Variants in CYP2C19 observed in about 807,000 individuals in gnomAD.
CYP2C19 encodes cytochrome P450 family 2 subfamily C member 19, also known as cytochrome P450 2C19.
Under a neutral mutation model 40.9 loss-of-function variants are expected in CYP2C19, and 59 were observed. That is an observed-to-expected ratio of 1.44 (90% CI 1.17 to 1.79). The LOEUF (loss-of-function observed/expected upper bound fraction) is 1.79. Among genes scored for constraint, CYP2C19 ranks in the 40% most tolerant of loss-of-function variants. The probability of loss-of-function intolerance (pLI) is 0.00; values close to 1 mark genes in which losing one functional copy is unlikely to be tolerated. For synonymous variants in CYP2C19, 253 were observed against 208.7 expected (o/e 1.21, Z -1.83); for missense variants, 754 against 596.9 (o/e 1.26, Z -2.74).
intron 5 of CYP2C19, among the ~76,000 whole-genome samples, chr10:94,800,398 C>T (rs2134252567): frequency 6.6e-6 from 1 of 152,334 alleles, no homozygotes; most frequent in East Asian, 1.9e-4. Context: ...CTGGAAGCTT[C>T]ATCCCAGAGG....
intron 6 of CYP2C19, among the ~76,000 whole-genome samples, chr10:94,837,344 T>C (rs1416423155): frequency 2.0e-5 from 3 of 151,966 alleles, no homozygotes; most frequent in Non-Finnish European, 4.4e-5. Context: ...GGAAAGGAGG[T>C]GGAGTCCTTT....
chr10:94,835,548 G>A (rs190772661), intron 6 of CYP2C19, among the ~76,000 whole-genome samples: 2 of 152,080 alleles, frequency 1.3e-5, no homozygotes, highest in East Asian at 3.9e-4. Context: ...AGCTCTTTTG[G>A]CCTCAATATC....
chr10:94,771,042 G>A (rs1371336863), intron 1 of CYP2C19, among the ~76,000 whole-genome samples: 1 of 152,150 alleles, frequency 6.6e-6, no homozygotes, highest in Non-Finnish European at 1.5e-5. Context: ...CTCTCCAAGT[G>A]AGATCGAAGG....
intron 5 of CYP2C19, among the ~76,000 whole-genome samples, chr10:94,802,358 T>G (rs1489116880): frequency 6.6e-6 from 1 of 152,154 alleles, no homozygotes; most frequent in East Asian, 1.9e-4. Flanking sequence ...TTGTCTCTTT[T>G]GATATTTGTT....
chr10:94,800,273 G>A (rs1848745524), intron 5 of CYP2C19, among the ~76,000 whole-genome samples: 2 of 152,206 alleles, frequency 1.3e-5, no homozygotes, highest in Admixed American at 6.5e-5. Context: ...TCAGCTGCAG[G>A]TCTGTTGGAG....
intron 6 of CYP2C19, among the ~76,000 whole-genome samples, chr10:94,829,396 C>T (rs1360625063): frequency 3.9e-5 from 6 of 151,910 alleles, no homozygotes; most frequent in Non-Finnish European, 8.8e-5. Context: ...CTTCCCTTCT[C>T]GCTACATTTC....
Position 94,780,494 on chromosome 10 carries a change from T to G in CYP2C19, c.482-5T>G, listed in dbSNP as rs17882507. The G allele has an allele frequency of 5.6e-6, 9 of 1,612,964 alleles. No individual in the cohort carries two copies. In the African/African-American group the frequency reaches 1.2e-4, roughly 22 times the overall value. On this transcript the variant is annotated splice_polypyrimidine_tract_variant and splice_region_variant and intron_variant, in intron 3 of 8. Coordinates refer to ENST00000371321, the MANE Select transcript of CYP2C19 (RefSeq NM_000769.4). ...CATATTTTAAAATTGTTTCCAATCATTTAGCTTCACCCTGTGATCCCACTT... is the reference window on the plus strand; with the variant it reads ...CATATTTTAAAATTGTTTCCAATCAGTTAGCTTCACCCTGTGATCCCACTT...
chr10:94,782,246 G>A (rs1166064487), intron 5 of CYP2C19, among the ~76,000 whole-genome samples: 5 of 152,094 alleles, frequency 3.3e-5, no homozygotes. Flanking sequence ...AAGGATGTCA[G>A]GATAGGAAAA....
intron 7 of CYP2C19, among the ~76,000 whole-genome samples, chr10:94,844,339 G>T (rs964972101): frequency 2.0e-5 from 3 of 152,140 alleles, no homozygotes; most frequent in Non-Finnish European, 4.4e-5. Flanking sequence ...AACACATGTT[G>T]TCATGATTCA....
At chr10:94,764,063 T>C (rs1253210188) in intron 1 of CYP2C19, among the ~76,000 whole-genome samples, 1 of 151,718 alleles carries the variant, frequency 6.6e-6, no homozygotes, top group Non-Finnish European at 1.5e-5. Flanking sequence ...GCTTCAGGAG[T>C]GAAGTTGCAG....
intron 7 of CYP2C19, among the ~76,000 whole-genome samples, chr10:94,848,719 T>C (rs1001487606): frequency 6.6e-6 from 1 of 152,224 alleles, no homozygotes; most frequent in African/African-American, 2.4e-5. Flanking sequence ...GCATGGAATG[T>C]TCTTCCATTT....
intron 3 of CYP2C19, among the ~76,000 whole-genome samples, chr10:94,779,163 A>G (rs1370186889): frequency 1.3e-5 from 2 of 152,100 alleles, no homozygotes; most frequent in African/African-American, 4.8e-5. Flanking sequence ...TACCTAATGC[A>G]TGTGGAGCTT....
chr10:94,840,855 T>C (rs544719862), intron 6 of CYP2C19, among the ~76,000 whole-genome samples: 5 of 152,222 alleles, frequency 3.3e-5, no homozygotes, highest in Non-Finnish European at 7.3e-5. Flanking sequence ...ACCTTACACC[T>C]GAGTCTTCAG....
At position 94,820,576 on chromosome 10, in the gene CYP2C19, GACA is replaced by G. The variant is rs1849100876; in HGVS notation, c.905_907del (p.Thr302del). On this transcript the variant is annotated inframe_deletion, in exon 6 of 9. Coordinates refer to ENST00000371321, the MANE Select transcript of CYP2C19 (RefSeq NM_000769.4). The stretch of plus-strand genomic sequence containing the variant: ...CTGACTTACTTGGAGCTGGGACAGA[GACA>G]ACAAGCACAACCCTGAGATATGCTC... The G allele has an allele frequency of 6.2e-7, 1 of 1,614,202 alleles. No homozygotes were observed. Among genetic ancestry groups the G allele is most frequent in the African/African-American group, 1.3e-5 (1 of 75,060 alleles).
rs1589360238 is a variant in CYP2C19, at chr10:94,803,771, C to T, written c.820-16725C>T. ...CCAGGTGAGTGGATGCTTTGAATGC[C>T]TCATGATCTGTCTGAGTGTGAAGGA... On this transcript the variant is annotated intron_variant, in intron 5 of 8. Coordinates refer to ENST00000371321, the MANE Select transcript of CYP2C19 (RefSeq NM_000769.4). Among the ~76,000 whole-genome samples, 3 of 152,284 alleles carry T rather than the reference C, an allele frequency of 2.0e-5. No individual in the cohort carries two copies. In the South Asian group the frequency reaches 6.2e-4, roughly 32 times the overall value.
At chr10:94,789,888 A>G (rs77291444) in intron 5 of CYP2C19, among the ~76,000 whole-genome samples, 1 of 152,092 alleles carries the variant, frequency 6.6e-6, no homozygotes, top group Admixed American at 6.6e-5. Flanking sequence ...AAGAAACTCA[A>G]TGGTAGCTTG....
Position 94,789,731 on chromosome 10 carries a change from G to T in CYP2C19, c.819+7734G>T, listed in dbSNP as rs531380566. ...TCCATTTTGGTAACAGTACCATGCT[G>T]TTTTTATTACTTCGGCCTTGTAATA... is the stretch of plus-strand genomic sequence containing the variant. On this transcript the variant is annotated intron_variant, in intron 5 of 8. Coordinates refer to ENST00000371321, the MANE Select transcript of CYP2C19 (RefSeq NM_000769.4). 2.0e-5 allele frequency among the ~76,000 whole-genome samples: 3 copies of T among 152,092 alleles called. No homozygotes were observed. The South Asian group carries it at 6.2e-4, about 32-fold the overall frequency.
chr10:94,849,235 C>T (rs1232732669), intron 7 of CYP2C19, among the ~76,000 whole-genome samples: 1 of 152,058 alleles, frequency 6.6e-6, no homozygotes, highest in Non-Finnish European at 1.5e-5. Context: ...GGCACTAAAG[C>T]CCAAGCTTGA....
chr10:94,849,639 A>AC (rs1849622915), intron 7 of CYP2C19, among the ~76,000 whole-genome samples: 1 of 48,378 alleles, frequency 2.1e-5, no homozygotes, highest in Admixed American at 3.2e-4. Flanking sequence ...CCCTCCCCCC[A>AC]CCCCACAACA....
Sources: allele counts gnomAD v4.1 joint callset (sites outside exome capture counted in the v4.1 genomes callset), GRCh38; gene constraint gnomAD v4.1.1; transcripts MANE v1.5; gene names NCBI Gene and HGNC (gene_info 2026-07-23, HGNC 2026-07-21).